ARL8B: variants seen among roughly 807,000 people sequenced by gnomAD.
ARL8B encodes ARF like GTPase 8B, also known as ADP-ribosylation factor-like protein 8B.
Under a neutral mutation model 30.6 loss-of-function variants are expected in ARL8B, and 9 were observed. The observed-to-expected ratio is 0.29, with a 90% CI of 0.18 to 0.51. The LOEUF (loss-of-function observed/expected upper bound fraction) is 0.51. ARL8B is among the 20% of genes least tolerant of loss of function. The probability of loss-of-function intolerance (pLI) is 0.97; values close to 1 mark genes in which losing one functional copy is unlikely to be tolerated. For synonymous variants in ARL8B, 74 were observed against 76.0 expected, an observed-to-expected ratio of 0.97 and a Z score of 0.14; for missense variants, 130 against 227.2, an observed-to-expected ratio of 0.57 and a Z score of 2.75.
At chr3:5,157,442 T>C (rs1303908495) in intron 1 of ARL8B, among the ~76,000 whole-genome samples, 1 of 152,058 alleles carries the variant, frequency 6.6e-6, no homozygotes, top group Admixed American at 6.5e-5. Flanking sequence ...TGAATCTGTC[T>C]CAGGGGCCAC....
At chr3:5,136,599 C>T (rs2054327757) in intron 1 of ARL8B, among the ~76,000 whole-genome samples, 1 of 152,162 alleles carries the variant, frequency 6.6e-6, no homozygotes, top group African/African-American at 2.4e-5. Flanking sequence ...TAGTACTACC[C>T]TATGTTATCT....
At chr3:5,164,347 C>T (rs1267011470) in intron 1 of ARL8B, among the ~76,000 whole-genome samples, 1 of 152,076 alleles carries the variant, frequency 6.6e-6, no homozygotes, top group Non-Finnish European at 1.5e-5. Context: ...ACTGATTTGT[C>T]TTCTGTTTTG....
intron 1 of ARL8B, among the ~76,000 whole-genome samples, chr3:5,159,385 C>T (rs1436549266): frequency 3.3e-5 from 5 of 150,912 alleles, no homozygotes; most frequent in East Asian, 1.9e-4. Flanking sequence ...GGTGGATCAC[C>T]TGAGGTTGGG....
chr3:5,136,586 T>G (rs562162180), intron 1 of ARL8B, among the ~76,000 whole-genome samples: 1 of 152,350 alleles, frequency 6.6e-6, no homozygotes, highest in African/African-American at 2.4e-5. Flanking sequence ...CTCTACTAGC[T>G]GTTAGTACTA....
At chr3:5,154,337 CT>C (rs34406290) in intron 1 of ARL8B, among the ~76,000 whole-genome samples, 305 of 142,556 alleles carry the variant, frequency 2.1e-3, no homozygotes, top group Middle Eastern at 0.021. Context: ...GGTAAAATAA[CT>C]TTTTTTTTTT....
chr3:5,124,978 A>G (rs1013837489), intron 1 of ARL8B, among the ~76,000 whole-genome samples: 6 of 152,188 alleles, frequency 3.9e-5, no homozygotes, highest in Non-Finnish European at 8.8e-5. Context: ...TGGGAACTCT[A>G]AAAAGTTGAG....
At chr3:5,127,827 T>A (rs62253636) in intron 1 of ARL8B, among the ~76,000 whole-genome samples, 15,676 of 132,900 alleles carry the variant, frequency 0.12, 934 homozygotes, top group Middle Eastern at 0.18. Context: ...GAGCCAAGAT[T>A]GCGCCACTGC....
At chr3:5,156,342 T>G (rs1318482612) in intron 1 of ARL8B, among the ~76,000 whole-genome samples, 1 of 152,172 alleles carries the variant, frequency 6.6e-6, no homozygotes, top group East Asian at 1.9e-4. Context: ...AATCTAATAA[T>G]GTTGTAACCC....
rs35897178 is a variant in ARL8B, at chr3:5,124,256, A to ATTTTTTT, written c.123+1690_123+1696dup. 8.5e-5 allele frequency among the ~76,000 whole-genome samples: 9 copies of ATTTTTTT among 105,698 alleles called. 1 individual carries two copies. The highest frequency in any genetic ancestry group is 3.0e-4 in the African/African-American group (8 of 26,994). 69.3% of individuals were successfully genotyped at this position (105,698 alleles called of 152,430 possible). A position where few individuals can be genotyped will look rare whatever the true frequency, so the allele number is the denominator to read the frequency against. On this transcript the variant is annotated intron_variant, in intron 1 of 6. Transcript: ENST00000256496. ...GTGGAATGTGTATCTAATACCACTA[A>ATTTTTTT]TTTTTTTTTTTTTTTTTTTTTTTTT...
At chr3:5,178,554 C>A in intron 6 of ARL8B, 110 bp from the exon 7 acceptor site, 1 of 957,376 alleles carries the variant, frequency 1.0e-6, no homozygotes, top group Non-Finnish European at 1.5e-6. Flanking sequence ...AGAAAAGCAG[C>A]AGAGGTCAGG....
rs2054751754 is a variant in ARL8B at position 5,178,654 on chromosome 3, C to CT, written c.512-9dup. ...ACTTTAATGTCTTCACTTTTCCCCT[C>CT]TATCTTTAGATATCACACTTCAGTG... On this transcript the variant is annotated splice_polypyrimidine_tract_variant and intron_variant, in intron 6 of 6. Coordinates refer to ENST00000256496, the MANE Select transcript of ARL8B (RefSeq NM_018184.3). 3 of 1,600,042 alleles carry CT rather than the reference C, an allele frequency of 1.9e-6. No homozygotes were observed. The highest frequency in any genetic ancestry group is 2.6e-6 in the Non-Finnish European group (3 of 1,174,600).
chr3:5,151,111 A>G (rs2054479617), intron 1 of ARL8B, among the ~76,000 whole-genome samples: 2 of 152,044 alleles, frequency 1.3e-5, no homozygotes, highest in East Asian at 3.8e-4. Flanking sequence ...TTATCTTTTT[A>G]GAGAATCAGG....
At chr3:5,174,137 GCCCACTTGTT>G in intron 5 of ARL8B, 53 bp downstream of exon 5, 1 of 1,496,986 alleles carries the variant, frequency 6.7e-7, no homozygotes, top group African/African-American at 1.4e-5. Flanking sequence ...ACCATATTTT[GCCCACTTGTT>G]ATGTTATTCC....
chr3:5,170,637 A>T (rs2054664430), intron 2 of ARL8B, 54 bp downstream of exon 2: 1 of 1,349,450 alleles, frequency 7.4e-7, no homozygotes, highest in African/African-American at 1.5e-5. Flanking sequence ...ACCCCTAGAA[A>T]TTTTTCTGTT....
At chr3:5,177,456 T>G (rs2054740228) in intron 6 of ARL8B, among the ~76,000 whole-genome samples, 1 of 151,804 alleles carries the variant, frequency 6.6e-6, no homozygotes, top group African/African-American at 2.4e-5. Context: ...TTTTAGTGAA[T>G]TTCTTTTTTT....
At chr3:5,141,348 A>G (rs1397626785) in intron 1 of ARL8B, among the ~76,000 whole-genome samples, 1 of 152,140 alleles carries the variant, frequency 6.6e-6, no homozygotes, top group African/African-American at 2.4e-5. Flanking sequence ...TTGGTCCTCA[A>G]ATTGCTTTAG....
At chr3:5,132,167 A>C (rs2054288633) in intron 1 of ARL8B, among the ~76,000 whole-genome samples, 1 of 152,126 alleles carries the variant, frequency 6.6e-6, no homozygotes, top group African/African-American at 2.4e-5. Flanking sequence ...GAGTACAGGC[A>C]TGAGCCTGTA....
intron 1 of ARL8B, among the ~76,000 whole-genome samples, chr3:5,123,615 C>T (rs528434157): frequency 4.6e-5 from 7 of 152,284 alleles, no homozygotes; most frequent in African/African-American, 1.7e-4. Flanking sequence ...GGCAGCAGTT[C>T]TTCCACCTTT....
At chr3:5,149,520 C>A in intron 1 of ARL8B, among the ~76,000 whole-genome samples, 1 of 152,252 alleles carries the variant, frequency 6.6e-6, no homozygotes, top group Non-Finnish European at 1.5e-5. Flanking sequence ...TCTCCTAGCA[C>A]ACAAGTCCCT....
Sources: gnomAD v4.1 joint callset for allele counts (sites outside exome capture counted in the v4.1 genomes callset) on GRCh38, gnomAD v4.1.1 for gene constraint, MANE v1.5 for transcripts, NCBI Gene and HGNC (gene_info 2026-07-23, HGNC 2026-07-21) for gene names.